Variants in GRIK1 observed in about 807,000 individuals in gnomAD.
The protein encoded by GRIK1 is glutamate receptor ionotropic, kainate 1.
Under a neutral mutation model 105.7 loss-of-function variants are expected in GRIK1, and 69 were observed. The ratio of observed to expected loss-of-function variants is 0.65; its 90% CI spans 0.54 to 0.80. The LOEUF is 0.80. Ranked by LOEUF, GRIK1 falls within the 30% of genes least tolerant of loss-of-function variation. The pLI, the probability that GRIK1 is intolerant of heterozygous loss-of-function variation, is 0.00. For missense variants in GRIK1, 1,109 were observed against 1,167.3 expected (o/e 0.95, Z 0.73); for synonymous variants, 438 against 431.3 (o/e 1.02, Z -0.19).
At chr21:29,734,053 T>C (rs1347743283) in intron 1 of GRIK1, among the ~76,000 whole-genome samples, 1 of 152,204 alleles carries the variant, frequency 6.6e-6, no homozygotes, top group Non-Finnish European at 1.5e-5. Context: ...AACAATAGGC[T>C]TGCAACATTC....
At chr21:29,658,186 A>G (rs561450228) in intron 4 of GRIK1, among the ~76,000 whole-genome samples, 8 of 152,314 alleles carry the variant, frequency 5.3e-5, no homozygotes, top group African/African-American at 1.7e-4. Flanking sequence ...GCAGATATCA[A>G]TACTGTTCAT....
At chr21:29,571,223 T>C (rs981055590) in intron 14 of GRIK1, among the ~76,000 whole-genome samples, 3 of 152,054 alleles carry the variant, frequency 2.0e-5, no homozygotes, top group African/African-American at 7.2e-5. Context: ...CTGGGCATGG[T>C]GGCGGGTGCC....
intron 1 of GRIK1, among the ~76,000 whole-genome samples, chr21:29,877,774 T>C (rs1459521739): frequency 6.6e-6 from 1 of 152,176 alleles, no homozygotes; most frequent in Non-Finnish European, 1.5e-5. Flanking sequence ...TTGAGAATCA[T>C]GAAATCAAGT....
intron 1 of GRIK1, among the ~76,000 whole-genome samples, chr21:29,887,736 T>G (rs2069688105): frequency 6.6e-6 from 1 of 152,114 alleles, no homozygotes; most frequent in Non-Finnish European, 1.5e-5. Context: ...TTTTTTTTCC[T>G]TAGGCTTGTT....
At chr21:29,652,382 A>T (rs1313176877) in intron 5 of GRIK1, among the ~76,000 whole-genome samples, 1 of 152,202 alleles carries the variant, frequency 6.6e-6, no homozygotes. Context: ...CTCATATCTC[A>T]TACAACGAGG....
chr21:29,593,780 A>G (rs1194731784), intron 9 of GRIK1, among the ~76,000 whole-genome samples: 2 of 152,234 alleles, frequency 1.3e-5, no homozygotes, highest in Non-Finnish European at 2.9e-5. Context: ...CTACCGTAAT[A>G]TTTGAAACTG....
chr21:29,934,009 A>T (rs920105460), intron 1 of GRIK1, among the ~76,000 whole-genome samples: 3 of 152,198 alleles, frequency 2.0e-5, no homozygotes, highest in Non-Finnish European at 2.9e-5. Flanking sequence ...AATATTTCCT[A>T]TGTTATATGG....
rs181241638 is a variant in GRIK1, at chr21:29,852,496, C to T, written c.118+86887G>A. Among the ~76,000 whole-genome samples, 21 of 152,316 alleles carry T rather than the reference C, an allele frequency of 1.4e-4. No homozygotes were observed. The East Asian group carries it at 2.9e-3, about 21-fold the overall frequency. On this transcript the variant is annotated intron_variant, in intron 1 of 17. Transcript: ENST00000327783. ...CCCTTATCAGTTCCACTTCCTACCT[C>T]CATTCTCTGTACATCTTGTCTCTCT...
chr21:29,866,592 G>T (rs149886959), intron 1 of GRIK1, among the ~76,000 whole-genome samples: 2 of 152,148 alleles, frequency 1.3e-5, no homozygotes, highest in African/African-American at 4.8e-5. Flanking sequence ...GGTGGGTAAA[G>T]ATGGGGGACT....
At chr21:29,889,817 G>T (rs999265203) in intron 1 of GRIK1, among the ~76,000 whole-genome samples, 2 of 151,998 alleles carry the variant, frequency 1.3e-5, no homozygotes, top group South Asian at 2.1e-4. Context: ...TGTATTTTAA[G>T]TAACTTTTAA....
intron 1 of GRIK1, among the ~76,000 whole-genome samples, chr21:29,828,442 G>A (rs1229151911): frequency 7.3e-6 from 1 of 136,266 alleles, no homozygotes; most frequent in Non-Finnish European, 1.6e-5. Context: ...GATATTATTT[G>A]ACACTATAAA....
At chr21:29,894,753 C>T (rs149673375) in intron 1 of GRIK1, among the ~76,000 whole-genome samples, 15 of 152,226 alleles carry the variant, frequency 9.9e-5, no homozygotes, top group East Asian at 9.7e-4. Context: ...TTTTAATCGG[C>T]GGGATGGCCT....
chr21:29,581,258 T>G (rs952255304), intron 13 of GRIK1, among the ~76,000 whole-genome samples, 167 bp downstream of exon 13: 2 of 152,184 alleles, frequency 1.3e-5, no homozygotes, highest in African/African-American at 4.8e-5. Context: ...ATATAGGTCA[T>G]TGGTTTTGCT....
chr21:29,645,656 A>G (rs1008744935), intron 6 of GRIK1, among the ~76,000 whole-genome samples: 4 of 152,212 alleles, frequency 2.6e-5, no homozygotes, highest in African/African-American at 7.2e-5. Flanking sequence ...TTATAGCACT[A>G]ATAAACTACC....
intron 1 of GRIK1, among the ~76,000 whole-genome samples, chr21:29,765,268 T>C (rs2065630288): frequency 6.6e-6 from 1 of 152,196 alleles, no homozygotes; most frequent in Non-Finnish European, 1.5e-5. Flanking sequence ...CTCCTACTTT[T>C]ATTTTATAAG....
intron 1 of GRIK1, among the ~76,000 whole-genome samples, chr21:29,886,591 A>C (rs2069637944): frequency 6.6e-6 from 1 of 152,212 alleles, no homozygotes; most frequent in South Asian, 2.1e-4. Context: ...TACTTAAAAA[A>C]AAAGTATCTT....
At chr21:29,848,841 T>C (rs2068220841) in intron 1 of GRIK1, among the ~76,000 whole-genome samples, 1 of 149,158 alleles carries the variant, frequency 6.7e-6, no homozygotes, top group Admixed American at 6.7e-5. Context: ...GTGTTTTTCC[T>C]AGTCCTTAGG....
intron 1 of GRIK1, among the ~76,000 whole-genome samples, chr21:29,801,330 TC>T (rs1283293982): frequency 6.6e-6 from 1 of 151,950 alleles, no homozygotes; most frequent in African/African-American, 2.4e-5. Context: ...AGTACTTACC[TC>T]TTTTTAAATT....
intron 1 of GRIK1, among the ~76,000 whole-genome samples, chr21:29,935,897 AC>A (rs559708778): frequency 7.8e-4 from 119 of 152,280 alleles, no homozygotes; most frequent in African/African-American, 2.7e-3. Context: ...AACTGTTAAG[AC>A]CCTGTTTAGG....
Sources: gnomAD v4.1 joint callset for allele counts (sites outside exome capture counted in the v4.1 genomes callset) on GRCh38, gnomAD v4.1.1 for gene constraint, MANE v1.5 for transcripts, NCBI Gene and HGNC (gene_info 2026-07-23, HGNC 2026-07-21) for gene names.